Variants in CDK12 observed in about 807,000 individuals in gnomAD.
CDK12 encodes cyclin dependent kinase 12.
In CDK12, 17 loss-of-function variants were observed where a neutral mutation model predicts 133.8. The ratio of observed to expected loss-of-function variants is 0.13; its 90% confidence interval spans 0.09 to 0.19. The LOEUF (loss-of-function observed/expected upper bound fraction) is 0.19. Ranked by LOEUF, CDK12 falls within the 10% of genes least tolerant of loss-of-function variation. CDK12 has a pLI of 1.00. For synonymous variants in CDK12, 694 were observed against 683.6 expected, an observed-to-expected ratio of 1.02 and a Z score of -0.24; for missense variants, 1,508 against 1,818.7, an observed-to-expected ratio of 0.83 and a Z score of 3.11.
Position 39,530,944 on chromosome 17 carries a change from C to T in CDK12, c.4101C>T (p.Val1367=), listed in dbSNP as rs755904836. ...GTCCAGCCTTGACAGAATCCTTGGT[C>T]CAGACCCTGGTGAAGAACAGGACCT... ...NSGPALTESL[V]QTLVKNRTFS... Residue 1367 remains valine (V), a synonymous_variant, in exon 14 of 14, where the codon GTC becomes GTT. Transcript: ENST00000447079. 1 of 1,614,198 alleles carries T rather than the reference C, an allele frequency of 6.2e-7. No individual in the cohort carries two copies. The highest frequency in any genetic ancestry group is 8.5e-7 in the Non-Finnish European group (1 of 1,180,038).
At position 39,471,592 on chromosome 17, in the gene CDK12, C is replaced by G. The variant is rs1367209903; in HGVS notation, c.1760C>G (p.Ser587Cys). 12 of 1,614,150 alleles carry G rather than the reference C, an allele frequency of 7.4e-6. No homozygotes were observed. In the East Asian group the frequency reaches 2.5e-4, roughly 33 times the overall value. Reference sequence around the variant, plus strand: ...TCCAGTACTTCAACTTTGCCCCCTTCTACTCACTCAAAGACATCTGCTGTG... The same window carrying G: ...TCCAGTACTTCAACTTTGCCCCCTTGTACTCACTCAAAGACATCTGCTGTG... Reference protein sequence around the residue: ...PASSTSTLPPSTHSKTSAVSS... With the variant: ...PASSTSTLPPCTHSKTSAVSS... The change falls in exon 2 of 14, where the codon TCT becomes TGT. Residue 587 changes from serine to cysteine, a missense_variant. This residue lies in a region of CDK12 where 347 missense variants were observed against 330.8 expected (regional missense o/e 1.05). Coordinates refer to ENST00000447079, the MANE Select transcript of CDK12 (RefSeq NM_016507.4).
At chr17:39,529,272 T>G (rs1261933403) in intron 13 of CDK12, among the ~76,000 whole-genome samples, 2 of 152,230 alleles carry the variant, frequency 1.3e-5, no homozygotes, top group African/African-American at 4.8e-5. Flanking sequence ...TGTAGTGTTT[T>G]CAGAGTGCTT....
chr17:39,498,014 T>C (rs1441681692), intron 5 of CDK12, among the ~76,000 whole-genome samples: 1 of 151,734 alleles, frequency 6.6e-6, no homozygotes, highest in Non-Finnish European at 1.5e-5. Context: ...TTTCTTTCTT[T>C]TTTTTTTGGG....
chr17:39,492,317 C>CT (rs937928692), intron 3 of CDK12, among the ~76,000 whole-genome samples: 2 of 150,792 alleles, frequency 1.3e-5, no homozygotes, highest in Admixed American at 6.6e-5. Flanking sequence ...AGGATGGTCT[C>CT]TATCTCCTGA....
At chr17:39,540,849 CCT>C in intron 1 of CDK12, among the ~76,000 whole-genome samples, 1 of 152,288 alleles carries the variant, frequency 6.6e-6, no homozygotes, top group African/African-American at 2.4e-5. Context: ...TCAGCCAAGT[CCT>C]CTCTGTTTCA....
At chr17:39,518,060 C>T (rs946732434) in intron 10 of CDK12, among the ~76,000 whole-genome samples, 1 of 151,852 alleles carries the variant, frequency 6.6e-6, no homozygotes, top group Non-Finnish European at 1.5e-5. Flanking sequence ...TCACTGCAAC[C>T]TCTGCCCCCC....
rs574978755 is a variant in CDK12 at position 39,477,063 on chromosome 17, C to G, written c.1931+5300C>G. On this transcript the variant is annotated intron_variant, in intron 2 of 13. Transcript: ENST00000447079. ...TTTGAGACAGTCTCACTCTGTTGCCCAGGCTGGAGTGCAGTGGTGCCATCT... is the reference window on the plus strand; with the variant it reads ...TTTGAGACAGTCTCACTCTGTTGCCGAGGCTGGAGTGCAGTGGTGCCATCT... Among the ~76,000 whole-genome samples the G allele has an allele frequency of 2.6e-5, 4 of 151,854 alleles. No homozygotes were observed. The East Asian group carries it at 7.8e-4, about 29-fold the overall frequency.
Position 39,462,859 on chromosome 17 carries a change from A to G in CDK12, c.788A>G (p.Lys263Arg). ...SHTSSNYDSY[K>R]KSPGSTSRRQ... ...ACCTCGAGCAATTATGACTCCTACA[A>G]GAAAAGTCCTGGAAGTACCTCGAGA... Residue 263 changes from lysine (K) to arginine (R), a missense_variant, in exon 1 of 14, where the codon AAG becomes AGG. This residue lies in a region of CDK12 where 460 missense variants were observed against 490.8 expected (regional missense o/e 0.94). Transcript: ENST00000447079. 1.2e-6 allele frequency: 2 copies of G among 1,614,180 alleles called. No homozygotes were observed. Among genetic ancestry groups the G allele is most frequent in the South Asian group, 1.1e-5 (1 of 91,072 alleles).
At chr17:39,541,692 C>T (rs1371203063) in intron 1 of CDK12, among the ~76,000 whole-genome samples, 1 of 152,194 alleles carries the variant, frequency 6.6e-6, no homozygotes, top group Non-Finnish European at 1.5e-5. Context: ...CCTTCTGAAA[C>T]ATACTTGTCC....
chr17:39,542,150 C>CAT (rs35821757), intron 1 of CDK12, among the ~76,000 whole-genome samples: 5 of 151,134 alleles, frequency 3.3e-5, no homozygotes, highest in South Asian at 2.1e-4. Context: ...ATTATATATA[C>CAT]ATATATATAT....
At chr17:39,510,114 CTTTTTTTTTTT>C (rs762953806) in intron 7 of CDK12, among the ~76,000 whole-genome samples, 20 of 125,468 alleles carry the variant, frequency 1.6e-4, no homozygotes, top group East Asian at 4.5e-4. Flanking sequence ...CAATCTCTCT[CTTTTTTTTTTT>C]TTTTTTTTTT....
At chr17:39,515,456 A>G (rs2053742214) in intron 8 of CDK12, among the ~76,000 whole-genome samples, 1 of 152,158 alleles carries the variant, frequency 6.6e-6, no homozygotes, top group African/African-American at 2.4e-5. Flanking sequence ...TTCCTTAATT[A>G]CAATGGCATG....
At chr17:39,469,874 C>A (rs888371168) in intron 1 of CDK12, among the ~76,000 whole-genome samples, 4 of 151,864 alleles carry the variant, frequency 2.6e-5, no homozygotes, top group Non-Finnish European at 4.4e-5. Flanking sequence ...CAATGTCAGG[C>A]GATCCACCCA....
At chr17:39,506,997 A>G (rs183849821) in intron 6 of CDK12, among the ~76,000 whole-genome samples, 135 of 152,030 alleles carry the variant, frequency 8.9e-4, no homozygotes, top group African/African-American at 3.0e-3. Context: ...CCCAGGTTCA[A>G]GCGATTCTCC....
intron 2 of CDK12, among the ~76,000 whole-genome samples, chr17:39,484,588 A>G (rs1244789226): frequency 6.6e-6 from 1 of 152,186 alleles, no homozygotes; most frequent in Non-Finnish European, 1.5e-5. Context: ...TTTGACCTCT[A>G]TTCAAATTGT....
rs763225138 is a variant in CDK12 at position 39,524,692 on chromosome 17, T to C, written c.3114T>C (p.Asp1038=). 2 of 1,614,006 alleles carry C rather than the reference T, an allele frequency of 1.2e-6. No homozygotes were observed. The highest frequency in any genetic ancestry group is 2.7e-5 in the African/African-American group (2 of 74,926). Residue 1038 remains aspartate, a synonymous_variant, in exon 12 of 14, where the codon GAT becomes GAC. Transcript: ENST00000447079. ...TTTCCAGCCTCCCCCACTGGCAGGATTGCCATGAGTTGTGGAGTAAGAAAC... is the reference window on the plus strand; with the variant it reads ...TTTCCAGCCTCCCCCACTGGCAGGACTGCCATGAGTTGTGGAGTAAGAAAC... ...MAPPDLPHWQ[D]CHELWSKKRR...
intron 2 of CDK12, among the ~76,000 whole-genome samples, chr17:39,475,794 C>T (rs565340540): frequency 2.4e-4 from 36 of 152,084 alleles, no homozygotes; most frequent in Admixed American, 4.6e-4. Context: ...ATTCGCCCAC[C>T]TAGGCCTCCC....
intron 3 of CDK12, among the ~76,000 whole-genome samples, chr17:39,563,036 A>G: frequency 6.6e-6 from 1 of 151,886 alleles, no homozygotes; most frequent in African/African-American, 2.4e-5. Context: ...TCAGCAGAAT[A>G]ATTAACTTAA....
intron 6 of CDK12, among the ~76,000 whole-genome samples, chr17:39,508,369 T>C (rs776522431): frequency 6.6e-5 from 10 of 152,196 alleles, no homozygotes; most frequent in African/African-American, 2.2e-4. Flanking sequence ...GCTGTAAATA[T>C]GACTAAACAG....
Sources: gnomAD v4.1 joint callset for allele counts (sites outside exome capture counted in the v4.1 genomes callset) on GRCh38, gnomAD v4.1.1 for gene constraint, gnomAD v4.1.1 regional missense constraint, MANE v1.5 for transcripts, NCBI Gene and HGNC (gene_info 2026-07-23, HGNC 2026-07-21) for gene names.